The following LNX1 variants were observed in gnomAD, a reference collection of about 807,000 sequenced individuals.
The protein encoded by LNX1 is E3 ubiquitin-protein ligase LNX.
LNX1 carries 54 observed loss-of-function variants against 68.4 expected under a neutral mutation model. The ratio of observed to expected loss-of-function variants is 0.79; its 90% CI spans 0.63 to 0.99. The LOEUF is 0.99. Among genes scored for constraint, LNX1 ranks in the 50% least tolerant of loss-of-function variants. The pLI, the probability that LNX1 is intolerant of heterozygous loss-of-function variation, is 0.00. For missense variants in LNX1, 906 were observed against 926.4 expected (o/e 0.98, Z 0.29); for synonymous variants, 336 against 350.0 (o/e 0.96, Z 0.45).
chr4:53,471,355 G>C (rs536994994), intron 9 of LNX1, among the ~76,000 whole-genome samples: 4 of 152,096 alleles, frequency 2.6e-5, no homozygotes, highest in African/African-American at 9.7e-5. Context: ...ATGGATTAAA[G>C]ACTTATATGT....
chr4:53,554,917 G>A (rs1473221562), intron 2 of LNX1, among the ~76,000 whole-genome samples: 1 of 151,986 alleles, frequency 6.6e-6, no homozygotes, highest in Non-Finnish European at 1.5e-5. Flanking sequence ...TGGGCCACAT[G>A]CCAAATTTGA....
intron 9 of LNX1, among the ~76,000 whole-genome samples, chr4:53,476,313 A>C (rs1723558421): frequency 6.6e-6 from 1 of 152,096 alleles, no homozygotes; most frequent in South Asian, 2.1e-4. Context: ...AAAATAAAAT[A>C]AAGCCACAGA....
chr4:53,546,021 G>T (rs1729093714), intron 2 of LNX1, among the ~76,000 whole-genome samples: 1 of 151,846 alleles, frequency 6.6e-6, no homozygotes, highest in Non-Finnish European at 1.5e-5. Context: ...TGGCCAGGCT[G>T]GTCTCAAACT....
intron 9 of LNX1, among the ~76,000 whole-genome samples, chr4:53,465,329 A>G (rs1037465292): frequency 6.6e-6 from 1 of 152,210 alleles, no homozygotes; most frequent in African/African-American, 2.4e-5. Flanking sequence ...ATAGTTCGTT[A>G]TGATTAGCTT....
At chr4:53,513,386 G>T (rs922132195) in intron 2 of LNX1, among the ~76,000 whole-genome samples, 1 of 152,140 alleles carries the variant, frequency 6.6e-6, no homozygotes, top group Non-Finnish European at 1.5e-5. Flanking sequence ...CGAGTTCAGA[G>T]GTGGAGCTAG....
At chr4:53,579,362 G>A (rs1356600134) in intron 1 of LNX1, 2 of 745,012 alleles carry the variant, frequency 2.7e-6, no homozygotes, top group South Asian at 6.1e-5. Context: ...AGAAACCAGA[G>A]GTGATTTTTA....
Position 53,573,888 on chromosome 4 carries a change from G to T in LNX1, c.115C>A (p.Leu39Ile), listed in dbSNP as rs908086474. 6.2e-7 allele frequency: 1 copy of T among 1,613,792 alleles called. No individual in the cohort carries two copies. Among genetic ancestry groups the T allele is most frequent in the Non-Finnish European group, 8.5e-7 (1 of 1,179,830 alleles). The change falls in exon 2 of 11, where the codon CTC becomes ATC. Residue 39 changes from leucine to isoleucine, a missense_variant. Physicochemically the swap from Leu to Ile is conservative, Grantham distance 5 (BLOSUM62 2). Transcript: ENST00000263925. ...YSYPEEVDDD[L>I]ICHICLQALL... The stretch of plus-strand genomic sequence containing the variant: ...GCCTGCAGGCAGATGTGGCAGATGA[G>T]GTCATCATCCACTTCCTCTGGATAG...
In LNX1 at chr4:53,650,109, G is replaced by C. The variant is rs1735037154; in HGVS notation, c.-215+2059C>G. Among the ~76,000 whole-genome samples the C allele has an allele frequency of 2.0e-5, 3 of 152,158 alleles. No homozygotes were observed. In the South Asian group the frequency reaches 6.2e-4, roughly 31 times the overall value. On this transcript the variant is annotated intron_variant, in intron 1 of 2. Coordinates refer to the LNX1 transcript ENST00000507168. ...GAATAGAATGAATGGAATGAGCCTG[G>C]CTTCTTCAGGCCTGATGCTGAGGAC... is the stretch of plus-strand genomic sequence containing the variant.
intron 1 of LNX1, among the ~76,000 whole-genome samples, chr4:53,624,559 T>C (rs770336988): frequency 6.6e-6 from 1 of 152,206 alleles, no homozygotes; most frequent in Non-Finnish European, 1.5e-5. Context: ...ATCAGCAGCA[T>C]GAAAATGGAC....
chr4:53,568,871 GACAA>G (rs1244713269), intron 2 of LNX1, among the ~76,000 whole-genome samples: 1 of 152,026 alleles, frequency 6.6e-6, no homozygotes, highest in African/African-American at 2.4e-5. Flanking sequence ...ACCAATAACA[GACAA>G]ACAGAGAGCC....
chr4:53,466,815 TAAAG>T (rs1234535479), intron 9 of LNX1, among the ~76,000 whole-genome samples: 2 of 152,122 alleles, frequency 1.3e-5, no homozygotes, highest in Non-Finnish European at 2.9e-5. Flanking sequence ...CTTGAGTAGG[TAAAG>T]AAAGTGGCCT....
chr4:53,600,875 T>G (rs774492276), intron 2 of LNX1, among the ~76,000 whole-genome samples: 30 of 145,444 alleles, frequency 2.1e-4, no homozygotes, highest in Non-Finnish European at 3.6e-4. Flanking sequence ...GGATTACAGG[T>G]GCCCACCACC....
At chr4:53,501,724 G>A (rs1430907560) in intron 4 of LNX1, 1 of 152,228 alleles carries the variant, frequency 6.6e-6, no homozygotes, top group East Asian at 1.9e-4. Flanking sequence ...GAAGCTAACT[G>A]TAGGTTGCTG....
At chr4:53,498,367 G>A (rs1725226252) in intron 5 of LNX1, among the ~76,000 whole-genome samples, 1 of 152,112 alleles carries the variant, frequency 6.6e-6, no homozygotes, top group African/African-American at 2.4e-5. Flanking sequence ...AGCTAGAAGG[G>A]AGAAGGCAGA....
At chr4:53,530,180 C>T (rs938930843) in intron 2 of LNX1, among the ~76,000 whole-genome samples, 1 of 152,182 alleles carries the variant, frequency 6.6e-6, no homozygotes, top group African/African-American at 2.4e-5. Flanking sequence ...TAGAGTTGTG[C>T]TCTCTACTTT....
intron 5 of LNX1, among the ~76,000 whole-genome samples, chr4:53,496,803 G>A (rs572485135): frequency 6.6e-6 from 1 of 152,314 alleles, no homozygotes; most frequent in East Asian, 1.9e-4. Context: ...TTCAAGCCGA[G>A]TTGACATTTT....
In LNX1 at chr4:53,490,547, T is replaced by C. The variant is rs115921949; in HGVS notation, c.1350+5476A>G. ...AGTAAGCTGAGGTTAGAGCTCAACATATGTAAAGCTGGTCAAATATAAAAT... is the reference window on the plus strand; with the variant it reads ...AGTAAGCTGAGGTTAGAGCTCAACACATGTAAAGCTGGTCAAATATAAAAT... On this transcript the variant is annotated intron_variant, in intron 6 of 10. Coordinates refer to ENST00000263925, the MANE Select transcript of LNX1 (RefSeq NM_001126328.3). Among the ~76,000 whole-genome samples the C allele has an allele frequency of 9.6e-3, 1,465 of 152,298 alleles. 23 individuals are homozygous for C. The highest frequency in any genetic ancestry group is 0.034 in the African/African-American group (1,402 of 41,568).
At chr4:53,494,749 A>T (rs765976923) in intron 6 of LNX1, among the ~76,000 whole-genome samples, 9 of 152,228 alleles carry the variant, frequency 5.9e-5, no homozygotes, top group Non-Finnish European at 1.3e-4. Flanking sequence ...AGCAGAACTT[A>T]ACAGATATTT....
intron 9 of LNX1, among the ~76,000 whole-genome samples, chr4:53,471,224 AAAAC>A (rs1175203698): frequency 6.6e-6 from 1 of 152,014 alleles, no homozygotes; most frequent in Non-Finnish European, 1.5e-5. Context: ...AAACCTGACA[AAAAC>A]AAGCAATGGG....
Sources: gnomAD v4.1 joint callset for allele counts (sites outside exome capture counted in the v4.1 genomes callset) on GRCh38, gnomAD v4.1.1 for gene constraint, MANE v1.5 for transcripts, NCBI Gene and HGNC (gene_info 2026-07-23, HGNC 2026-07-21) for gene names.